Variants in INPP4A observed in about 807,000 individuals in gnomAD.
The protein encoded by INPP4A is inositol polyphosphate-4-phosphatase, type I, 107kD.
Under a neutral mutation model 119.8 loss-of-function variants are expected in INPP4A, and 33 were observed. That is an observed-to-expected ratio of 0.28 (90% CI 0.21 to 0.37). The LOEUF (loss-of-function observed/expected upper bound fraction) is 0.37. Among genes scored for constraint, INPP4A ranks in the 10% least tolerant of loss-of-function variants. The pLI is 1.00. For synonymous variants in INPP4A, 496 were observed against 500.7 expected, an observed-to-expected ratio of 0.99 and a Z score of 0.12; for missense variants, 956 against 1,289.9, an observed-to-expected ratio of 0.74 and a Z score of 3.97.
At chr2:98,527,165 T>G (rs182288266) in intron 4 of INPP4A, among the ~76,000 whole-genome samples, 1 of 152,324 alleles carries the variant, frequency 6.6e-6, no homozygotes, top group African/African-American at 2.4e-5. Flanking sequence ...GCAACATCTT[T>G]GATGTTATAG....
rs1050113823 is a variant in INPP4A, at chr2:98,569,464, A to G, written c.2518+796A>G. On this transcript the variant is annotated intron_variant, in intron 22 of 24. Coordinates refer to ENST00000409851, the MANE Select transcript of INPP4A (RefSeq NM_001134225.2). This position sits in a 1 kb window ranked among gnomAD's most constrained non-coding sequence, Gnocchi z 5.1. ...TGTCCTCTGATGGGGGTTTCCAAAG[A>G]GGGAACCCACATCGGCTGGGCTTTG... 14 of 152,318 alleles carry G rather than the reference A, an allele frequency of 9.2e-5. No individual in the cohort carries two copies. Among genetic ancestry groups the G allele is most frequent in the African/African-American group, 2.9e-4 (12 of 41,546 alleles). 9.4% of individuals were successfully genotyped at this position (152,318 alleles called of 1,614,324 possible). A position where few individuals can be genotyped will look rare whatever the true frequency, so the allele number is the denominator to read the frequency against.
intron 24 of INPP4A, among the ~76,000 whole-genome samples, chr2:98,584,140 C>T (rs1314952335): frequency 6.6e-6 from 1 of 152,206 alleles, no homozygotes; most frequent in South Asian, 2.1e-4. Flanking sequence ...TGGGCAGTGT[C>T]CTGTCCAGCC....
chr2:98,561,705 T>A (rs1695504881), intron 17 of INPP4A, among the ~76,000 whole-genome samples: 1 of 152,238 alleles, frequency 6.6e-6, no homozygotes, highest in South Asian at 2.1e-4. Flanking sequence ...TATATTTTGA[T>A]CATTTTCAGA....
At chr2:98,462,186 C>T (rs147417958) in intron 1 of INPP4A, among the ~76,000 whole-genome samples, 34 of 152,348 alleles carry the variant, frequency 2.2e-4, no homozygotes, top group Non-Finnish European at 5.0e-4. Flanking sequence ...TGGTGGCTCA[C>T]GCCTATGATC....
chr2:98,511,033 G>A (rs1282278279), intron 1 of INPP4A, among the ~76,000 whole-genome samples: 2 of 152,212 alleles, frequency 1.3e-5, no homozygotes, highest in East Asian at 1.9e-4. Context: ...CGCATTGCCA[G>A]CATGTTACTT....
intron 1 of INPP4A, among the ~76,000 whole-genome samples, chr2:98,508,881 T>A (rs1684596903): frequency 6.6e-6 from 1 of 152,128 alleles, no homozygotes; most frequent in East Asian, 1.9e-4. Context: ...GAAATTGATG[T>A]GGTAATCAAA....
At position 98,593,089 on chromosome 2, in the gene INPP4A, G is replaced by A. The variant is rs1301809079; in HGVS notation, c.*5481G>A. The A allele has an allele frequency of 1.3e-5, 2 of 152,276 alleles. No homozygotes were observed. The highest frequency in any genetic ancestry group is 1.3e-4 in the Admixed American group (2 of 15,286). The allele number at this position is 152,276 out of a possible 1,614,324, so 9.4% of individuals were successfully genotyped here. A position where few individuals can be genotyped will look rare whatever the true frequency, so the allele number is the denominator to read the frequency against. On this transcript the variant is annotated 3_prime_UTR_variant, in exon 25 of 25. Transcript: ENST00000409851. ...CAGGCTACGACAGGGTTCCCAGGGT[G>A]TAGCCTGAAAACACCCATACTCTAG... is the stretch of plus-strand genomic sequence containing the variant.
At chr2:98,453,751 C>A (rs1695613914) in intron 1 of INPP4A, among the ~76,000 whole-genome samples, 1 of 152,136 alleles carries the variant, frequency 6.6e-6, no homozygotes, top group Admixed American at 6.5e-5. Context: ...GGAGCAGGCA[C>A]AAAGTCCTGA....
intron 21 of INPP4A, among the ~76,000 whole-genome samples, chr2:98,568,217 C>T (rs1264457793): frequency 6.6e-6 from 1 of 152,126 alleles, no homozygotes; most frequent in Non-Finnish European, 1.5e-5. Context: ...TCAGCCATAC[C>T]TCACTGCCGT....
chr2:98,564,913 G>A, intron 19 of INPP4A, 150 bp downstream of exon 19: 8 of 957,688 alleles, frequency 8.4e-6, no homozygotes, highest in Non-Finnish European at 1.2e-5. Flanking sequence ...AGACCTGGCA[G>A]TTACACACGC....
intron 24 of INPP4A, chr2:98,581,944 G>A (rs1212824527): frequency 1.2e-5 from 12 of 983,146 alleles, no homozygotes; most frequent in Non-Finnish European, 1.7e-5. Flanking sequence ...TCACCAAGAA[G>A]ACTTGTTTGT....
At chr2:98,527,125 C>A (rs1688327967) in intron 4 of INPP4A, among the ~76,000 whole-genome samples, 1 of 152,160 alleles carries the variant, frequency 6.6e-6, no homozygotes, top group Non-Finnish European at 1.5e-5. Flanking sequence ...TTGCTATCGT[C>A]CTCTCTCTAG....
intron 1 of INPP4A, among the ~76,000 whole-genome samples, chr2:98,511,140 A>G (rs1345870633): frequency 2.0e-5 from 3 of 151,698 alleles, no homozygotes; most frequent in Non-Finnish European, 4.4e-5. Flanking sequence ...GCTCACTGCA[A>G]CCTCCACCTC....
At chr2:98,540,722 C>A (rs1691264492) in intron 10 of INPP4A, among the ~76,000 whole-genome samples, 3 of 152,160 alleles carry the variant, frequency 2.0e-5, no homozygotes, top group African/African-American at 7.2e-5. Context: ...TATAACAAAC[C>A]CACTGTTGTA....
At chr2:98,543,613 T>G (rs2106059821) in intron 10 of INPP4A, among the ~76,000 whole-genome samples, 1 of 152,290 alleles carries the variant, frequency 6.6e-6, no homozygotes, top group South Asian at 2.1e-4. Context: ...CTCCACTTAG[T>G]TTCCCTTGAA....
intron 1 of INPP4A, among the ~76,000 whole-genome samples, chr2:98,488,606 A>T (rs1346858142): frequency 6.6e-6 from 1 of 152,254 alleles, no homozygotes; most frequent in Non-Finnish European, 1.5e-5. Flanking sequence ...AAGATCTTGA[A>T]TAAATGAGTT....
rs539693850 is a variant in INPP4A, at chr2:98,559,847, G to A, written c.1855+352G>A. On this transcript the variant is annotated intron_variant, in intron 17 of 24. Coordinates refer to ENST00000409851, the MANE Select transcript of INPP4A (RefSeq NM_001134225.2). ...AGAATTCTTACCAGACATTGCTATGGGCCTCAGTTGCAGTTAGTACCAGAA... is the reference window on the plus strand; with the variant it reads ...AGAATTCTTACCAGACATTGCTATGAGCCTCAGTTGCAGTTAGTACCAGAA... Among the ~76,000 whole-genome samples, 15 of 152,238 alleles carry A rather than the reference G, an allele frequency of 9.9e-5. No homozygotes were observed. In the South Asian group the frequency reaches 3.1e-3, roughly 32 times the overall value.
At position 98,566,796 on chromosome 2, in the gene INPP4A, G is replaced by A. The variant is rs1377214995; in HGVS notation, c.2420+627G>A. On this transcript the variant is annotated intron_variant, in intron 21 of 24. Transcript: ENST00000409851. The surrounding 1 kb of genome is among the most constrained non-coding windows in gnomAD (Gnocchi z 4.2). ...GTGCGCACATGTGTGTGAGGAGATAGGGTAGATTGGGTATATGTACCCTTT... is the reference window on the plus strand; with the variant it reads ...GTGCGCACATGTGTGTGAGGAGATAAGGTAGATTGGGTATATGTACCCTTT... 6.6e-6 allele frequency among the ~76,000 whole-genome samples: 1 copy of A among 152,192 alleles called. No homozygotes were observed. Among genetic ancestry groups the A allele is most frequent in the Non-Finnish European group, 1.5e-5 (1 of 68,030 alleles).
intron 4 of INPP4A, among the ~76,000 whole-genome samples, chr2:98,531,851 C>T (rs12476986): frequency 0.026 from 3,964 of 152,268 alleles, 79 homozygotes; most frequent in Non-Finnish European, 0.037. Flanking sequence ...GCTGATGATT[C>T]CAGATGGACG....
Sources: allele counts gnomAD v4.1 joint callset (sites outside exome capture counted in the v4.1 genomes callset), GRCh38; gene constraint gnomAD v4.1.1; non-coding constraint Gnocchi (gnomAD v3.1); transcripts MANE v1.5; gene names NCBI Gene and HGNC (gene_info 2026-07-23, HGNC 2026-07-21).